Variants in RANBP2 observed in about 807,000 individuals in gnomAD.
RANBP2 encodes E3 SUMO-protein ligase RanBP2.
In RANBP2, 57 loss-of-function variants were observed where a neutral mutation model predicts 303.6. The observed-to-expected ratio is 0.19, with a 90% CI of 0.15 to 0.23. RANBP2 has a LOEUF of 0.23. Ranked by LOEUF, RANBP2 falls within the 10% of genes least tolerant of loss-of-function variation. The pLI is 1.00. For synonymous variants in RANBP2, 1,167 were observed against 1,301.5 expected (o/e 0.90, Z 2.23); for missense variants, 3,138 against 3,780.8 (o/e 0.83, Z 4.46).
chr2:109,156,661 G>C, the RANBP2 span, among the ~76,000 whole-genome samples: 1 of 152,160 alleles, frequency 6.6e-6, no homozygotes, highest in Admixed American at 6.5e-5. Context: ...GGCCAGGCTG[G>C]TCACGAACTC....
At chr2:109,530,771 T>C in the RANBP2 span, among the ~76,000 whole-genome samples, 3 of 152,142 alleles carry the variant, frequency 2.0e-5, no homozygotes, top group Non-Finnish European at 4.4e-5. Flanking sequence ...TCTCTCTCTC[T>C]CCCTGGTATT....
At chr2:109,177,922 G>A in the RANBP2 span, among the ~76,000 whole-genome samples, 1 of 152,178 alleles carries the variant, frequency 6.6e-6, no homozygotes. Context: ...CATTAAACTG[G>A]AAGTTTCTAG....
chr2:109,392,905 A>G, the RANBP2 span, among the ~76,000 whole-genome samples: 1 of 151,898 alleles, frequency 6.6e-6, no homozygotes, highest in South Asian at 2.1e-4. Context: ...TCCACACACA[A>G]CTCTTCAGGA....
the RANBP2 span, among the ~76,000 whole-genome samples, chr2:108,913,109 T>C: frequency 4.6e-5 from 7 of 152,144 alleles, no homozygotes; most frequent in Admixed American, 1.3e-4. Context: ...CCACCACACC[T>C]GGCTAATTTT....
At chr2:109,208,493 A>G in the RANBP2 span, among the ~76,000 whole-genome samples, 2 of 152,326 alleles carry the variant, frequency 1.3e-5, no homozygotes, top group African/African-American at 4.8e-5. Flanking sequence ...GCTCCCAGTA[A>G]CAGTTACAGC....
At chr2:109,620,733 C>T in the RANBP2 span, among the ~76,000 whole-genome samples, 26,270 of 152,052 alleles carry the variant, frequency 0.17, 2,592 homozygotes, top group African/African-American at 0.27. Flanking sequence ...AGTTTCCTTA[C>T]AAGCTGACTC....
chr2:109,327,574 A>G, the RANBP2 span, among the ~76,000 whole-genome samples: 3 of 152,218 alleles, frequency 2.0e-5, no homozygotes, highest in Non-Finnish European at 2.9e-5. Context: ...TTGGGAGAAA[A>G]TTACAGCTTT....
the RANBP2 span, among the ~76,000 whole-genome samples, chr2:109,097,736 GGTGT>G: frequency 0.4 from 59,201 of 146,474 alleles, 12,187 homozygotes; most frequent in East Asian, 0.71. Context: ...ATGTGCTTAG[GGTGT>G]GTGTGTGTGT....
the RANBP2 span, among the ~76,000 whole-genome samples, chr2:109,045,869 C>T: frequency 1.3e-5 from 2 of 152,170 alleles, no homozygotes; most frequent in East Asian, 1.9e-4. Context: ...TATCCGTCTC[C>T]AGTGGCAGCT....
At chr2:108,786,129 C>CAAA (rs5833303), downstream of RANBP2, among the ~76,000 whole-genome samples, 8 of 143,988 alleles carry the variant, frequency 5.6e-5, no homozygotes, top group Admixed American at 7.0e-5. Flanking sequence ...TTTTTCTTTT[C>CAAA]AAAAAAAAAA....
At chr2:109,323,286 C>G in the RANBP2 span, among the ~76,000 whole-genome samples, 1 of 152,138 alleles carries the variant, frequency 6.6e-6, no homozygotes, top group African/African-American at 2.4e-5. Context: ...CTGACTGGCA[C>G]AGGGGCAAGT....
chr2:108,961,828 C>A, the RANBP2 span, among the ~76,000 whole-genome samples: 14 of 152,160 alleles, frequency 9.2e-5, no homozygotes, highest in Non-Finnish European at 1.5e-4. Flanking sequence ...GAGGGAGACC[C>A]TTGCTTCACA....
chr2:109,760,710 C>T, the RANBP2 span, among the ~76,000 whole-genome samples: 10 of 145,590 alleles, frequency 6.9e-5, no homozygotes, highest in South Asian at 2.2e-4. Context: ...GACGCTGACA[C>T]CTCCCACCAT....
chr2:109,354,158 C>G, the RANBP2 span, among the ~76,000 whole-genome samples: 1 of 151,740 alleles, frequency 6.6e-6, no homozygotes, highest in Non-Finnish European at 1.5e-5. Context: ...GAACTATTCC[C>G]TTTTTAATTT....
chr2:109,322,419 A>G, the RANBP2 span, among the ~76,000 whole-genome samples: 2 of 152,324 alleles, frequency 1.3e-5, no homozygotes, highest in Middle Eastern at 6.8e-3. Flanking sequence ...AGCCTGAACT[A>G]GGAGGCGGGT....
At chr2:108,779,511 T>C (rs1318464964) in intron 25 of RANBP2, among the ~76,000 whole-genome samples, 1 of 152,128 alleles carries the variant, frequency 6.6e-6, no homozygotes, top group Non-Finnish European at 1.5e-5. Context: ...ATTAAATCTG[T>C]CTGAAAGAGA....
At chr2:108,956,895 T>A in the RANBP2 span, among the ~76,000 whole-genome samples, 1 of 152,088 alleles carries the variant, frequency 6.6e-6, no homozygotes, top group Non-Finnish European at 1.5e-5. Context: ...TTCAAGCGGT[T>A]CTCCTGCCTC....
At chr2:108,877,843 A>G in the RANBP2 span, among the ~76,000 whole-genome samples, 2 of 152,246 alleles carry the variant, frequency 1.3e-5, no homozygotes, top group Non-Finnish European at 2.9e-5. Context: ...TCCTGGCCAA[A>G]TGGTAAGTTA....
the RANBP2 span, among the ~76,000 whole-genome samples, chr2:109,464,824 C>T: frequency 2.0e-5 from 3 of 152,168 alleles, no homozygotes; most frequent in Non-Finnish European, 2.9e-5. Context: ...ACATCATTAC[C>T]CAATGTCCAT....
Sources: gnomAD v4.1 joint callset for allele counts (sites outside exome capture counted in the v4.1 genomes callset) on GRCh38, gnomAD v4.1.1 for gene constraint, MANE v1.5 for transcripts, NCBI Gene and HGNC (gene_info 2026-07-23, HGNC 2026-07-21) for gene names.